The following SHANK2 variants were observed in gnomAD, a reference collection of about 807,000 sequenced individuals.
The protein encoded by SHANK2 is SH3 and multiple ankyrin repeat domains 2.
A neutral mutation model predicts 133.7 loss-of-function variants in SHANK2; 43 were observed. That is an observed-to-expected ratio of 0.32 (90% CI 0.25 to 0.41). The LOEUF is 0.41. Ranked by LOEUF, SHANK2 falls within the 10% of genes least tolerant of loss-of-function variation. SHANK2 has a pLI of 1.00. For missense variants in SHANK2, 1,994 were observed against 2,235.8 expected (o/e 0.89, Z 2.18); for synonymous variants, 1,017 against 952.8 (o/e 1.07, Z -1.24).
rs2058562943 is a variant in SHANK2, at chr11:70,468,722, A to G, written c.*4147T>C. 6.6e-6 allele frequency: 1 copy of G among 152,278 alleles called. No homozygotes were observed. The highest frequency in any genetic ancestry group is 6.5e-5 in the Admixed American group (1 of 15,290). The allele number at this position is 152,278 out of a possible 1,614,324, so 9.4% of individuals were successfully genotyped here. ...GCGGGAGAGCTTGAGGGTGAACTAC[A>G]AAAGATATGAGGACTGGAATTTTTC... On this transcript the variant is annotated 3_prime_UTR_variant, in exon 26 of 26. Coordinates refer to ENST00000601538, the MANE Select transcript of SHANK2 (RefSeq NM_012309.5).
intron 14 of SHANK2, among the ~76,000 whole-genome samples, chr11:70,752,508 G>A (rs1176249213): frequency 6.6e-6 from 1 of 152,030 alleles, no homozygotes; most frequent in African/African-American, 2.4e-5. Context: ...CACAAGGTCA[G>A]GAGATCGAGA....
intron 6 of SHANK2, among the ~76,000 whole-genome samples, chr11:71,108,081 G>T (rs1422187600): frequency 6.6e-6 from 1 of 152,182 alleles, no homozygotes; most frequent in African/African-American, 2.4e-5. Context: ...GGAGAATCCG[G>T]GTCAGCAGCT....
Position 70,473,018 on chromosome 11 carries a change from C to G in SHANK2, c.5401G>C (p.Gly1801Arg), listed in dbSNP as rs1555149004. ...VADWLESLNL[G>R]EHKEAFMDNE... ...TCCATGAAGGCCTCTTTATGTTCAC[C>G]CAAGTTTAGACTTTCCAGCCAATCG... The change falls in exon 26 of 26, where the codon GGT (glycine) becomes CGT (arginine). Residue 1801 changes from glycine (G) to arginine (R), a missense_variant. Gly to Arg is a moderately radical substitution (Grantham distance 125). Coordinates refer to ENST00000601538, the MANE Select transcript of SHANK2 (RefSeq NM_012309.5). This position sits in a 1 kb window ranked among gnomAD's most constrained non-coding sequence, Gnocchi z 5.9. 6.2e-7 allele frequency: 1 copy of G among 1,614,186 alleles called. No homozygotes were observed. The highest frequency in any genetic ancestry group is 8.5e-7 in the Non-Finnish European group (1 of 1,180,042).
rs957683519 is a variant in SHANK2 at position 70,537,007 on chromosome 11, C to T, written c.2062-34076G>A. ...CCGTGTTGAGTGTTGGGCTTTGTGT[C>T]GTACGTCAGCTAGAAGAGGGTTCCC... On this transcript the variant is annotated intron_variant, in intron 17 of 25. Transcript: ENST00000601538. Among the ~76,000 whole-genome samples the T allele has an allele frequency of 4.6e-5, 7 of 152,146 alleles. No homozygotes were observed. In the South Asian group the frequency reaches 1.2e-3, roughly 27 times the overall value.
At position 70,522,301 on chromosome 11, in the gene SHANK2, T is replaced by C. The variant is rs1304663893; in HGVS notation, c.2062-19370A>G. Among the ~76,000 whole-genome samples, 5 of 152,220 alleles carry C rather than the reference T, an allele frequency of 3.3e-5. No individual in the cohort carries two copies. In the East Asian group the frequency reaches 9.6e-4, roughly 29 times the overall value. On this transcript the variant is annotated intron_variant, in intron 17 of 25. Transcript: ENST00000601538. ...CTGAATGCACGGCTTAACCTCTATCTAGATTTGATTGATTGGCAGTGTCCC... is the reference window on the plus strand; with the variant it reads ...CTGAATGCACGGCTTAACCTCTATCCAGATTTGATTGATTGGCAGTGTCCC...
intron 12 of SHANK2, among the ~76,000 whole-genome samples, chr11:70,815,184 A>G (rs1169423116): frequency 2.9e-4 from 8 of 27,748 alleles, no homozygotes; most frequent in African/African-American, 1.8e-3. Flanking sequence ...AAACACACAC[A>G]CACACACACA....
At chr11:71,144,243 A>C (rs1206418401) in intron 3 of SHANK2, among the ~76,000 whole-genome samples, 1 of 152,202 alleles carries the variant, frequency 6.6e-6, no homozygotes, top group Non-Finnish European at 1.5e-5. Flanking sequence ...TGCACACATA[A>C]CTAGCTACTC....
chr11:70,939,761 T>C (rs1161600999), intron 10 of SHANK2, among the ~76,000 whole-genome samples: 10 of 152,080 alleles, frequency 6.6e-5, no homozygotes, highest in Admixed American at 4.6e-4. Context: ...TCTTTAGAGG[T>C]AGGCAGAACA....
chr11:70,843,244 G>A (rs1231283156), intron 11 of SHANK2, among the ~76,000 whole-genome samples: 2 of 149,938 alleles, frequency 1.3e-5, no homozygotes, highest in African/African-American at 4.9e-5. Context: ...GGGGTGGGCT[G>A]GGCTCCTATG....
rs992037199 is a variant in SHANK2, at chr11:71,187,534, G to A, written c.-13+37163C>T. Among the ~76,000 whole-genome samples the A allele has an allele frequency of 5.3e-5, 8 of 152,202 alleles. 1 individual carries two copies. Among genetic ancestry groups the A allele is most frequent in the African/African-American group, 1.9e-4 (8 of 41,528 alleles). On this transcript the variant is annotated intron_variant, in intron 2 of 25. Transcript: ENST00000601538. ...TCATGTTTTATTCAGGACAGTTCAT[G>A]GGTTTCTCATGTTTTATTCAGCACA... is the stretch of plus-strand genomic sequence containing the variant.
intron 17 of SHANK2, among the ~76,000 whole-genome samples, chr11:70,644,490 G>A (rs1464745816): frequency 1.3e-5 from 2 of 152,214 alleles, no homozygotes; most frequent in African/African-American, 4.8e-5. Flanking sequence ...TTCCCGATGG[G>A]TCCCAGGCTG....
intron 17 of SHANK2, among the ~76,000 whole-genome samples, chr11:70,597,417 G>T (rs552834809): frequency 6.6e-6 from 1 of 152,284 alleles, no homozygotes; most frequent in Admixed American, 6.5e-5. Context: ...GGGGCTCACA[G>T]GGAAAGCCCC....
chr11:71,245,427 G>A (rs138866555), intron 1 of SHANK2, among the ~76,000 whole-genome samples: 4 of 152,210 alleles, frequency 2.6e-5, no homozygotes, highest in African/African-American at 4.8e-5. Flanking sequence ...CAATAGATTC[G>A]TGCTCATACA....
At chr11:71,224,033 CA>C (rs1367688636) in intron 2 of SHANK2, among the ~76,000 whole-genome samples, 1 of 152,260 alleles carries the variant, frequency 6.6e-6, no homozygotes, top group Non-Finnish European at 1.5e-5. Flanking sequence ...GTGGTCAAGC[CA>C]AGCTGGATTC....
chr11:70,526,466 A>C (rs994057006), intron 17 of SHANK2, among the ~76,000 whole-genome samples: 7 of 152,098 alleles, frequency 4.6e-5, no homozygotes, highest in Non-Finnish European at 5.9e-5. Context: ...ATGCCTTTCA[A>C]TGTTAAGTCT....
At chr11:70,681,862 T>C (rs1249324701) in intron 15 of SHANK2, among the ~76,000 whole-genome samples, 3 of 151,956 alleles carry the variant, frequency 2.0e-5, no homozygotes, top group Non-Finnish European at 4.4e-5. Context: ...TCTTGAACAC[T>C]GTGGGGTTCT....
intron 2 of SHANK2, among the ~76,000 whole-genome samples, chr11:71,149,399 A>G (rs1555107417): frequency 6.6e-6 from 1 of 152,162 alleles, no homozygotes; most frequent in African/African-American, 2.4e-5. Flanking sequence ...TGGCCGCCCC[A>G]TAATTTGCCC....
At chr11:71,140,126 C>T (rs1455508587) in intron 3 of SHANK2, among the ~76,000 whole-genome samples, 5 of 152,314 alleles carry the variant, frequency 3.3e-5, no homozygotes, top group South Asian at 2.1e-4. Flanking sequence ...ATTTCTCACA[C>T]GGGAACAATG....
intron 14 of SHANK2, among the ~76,000 whole-genome samples, chr11:70,769,768 T>C (rs1300971057): frequency 6.6e-6 from 1 of 152,234 alleles, no homozygotes; most frequent in Non-Finnish European, 1.5e-5. Context: ...TATGTGGGCA[T>C]GTGCAGGCAT....
Sources: allele counts gnomAD v4.1 joint callset (sites outside exome capture counted in the v4.1 genomes callset), GRCh38; gene constraint gnomAD v4.1.1; non-coding constraint Gnocchi (gnomAD v3.1); transcripts MANE v1.5; gene names NCBI Gene and HGNC (gene_info 2026-07-23, HGNC 2026-07-21).